The following GRB7 variants were observed in gnomAD, a reference collection of about 807,000 sequenced individuals.
The protein encoded by GRB7 is growth factor receptor-bound protein 7.
In GRB7, 47 loss-of-function variants were observed where a neutral mutation model predicts 64.1. The observed-to-expected ratio is 0.73, with a 90% confidence interval of 0.58 to 0.94. GRB7 has a LOEUF of 0.94. Among genes scored for constraint, GRB7 ranks in the 40% least tolerant of loss-of-function variants. GRB7 has a pLI of 0.00. For synonymous variants in GRB7, 277 were observed against 279.9 expected (o/e 0.99, Z 0.10); for missense variants, 634 against 718.4 (o/e 0.88, Z 1.34).
intron 7 of GRB7, 65 bp downstream of exon 7, chr17:39,744,272 C>A: frequency 6.3e-7 from 1 of 1,586,766 alleles, no homozygotes; most frequent in South Asian, 1.1e-5. Context: ...GTTGCCCCTT[C>A]TCTGCTGGAA....
chr17:39,742,824 G>C (rs781034782), intron 3 of GRB7, 74 bp from the exon 4 acceptor site: 2 of 1,533,966 alleles, frequency 1.3e-6, no homozygotes, highest in Admixed American at 2.0e-5. Context: ...AGTCCCTGAG[G>C]GTCTAGCAGG....
rs1178174990 is a variant in GRB7, at chr17:39,744,975, C to T, written c.1002C>T (p.Arg334=). 6.2e-7 allele frequency: 1 copy of T among 1,613,264 alleles called. No individual in the cohort carries two copies. Among genetic ancestry groups the T allele is most frequent in the Admixed American group, 1.7e-5 (1 of 60,012 alleles). ...GCACCTGCTGGCTGGCTGCCTTCCG[C>T]CTCTTCAAGGTGAGACCCTGGGAGT... The part of the protein sequence containing the change: ...QSRTCWLAAF[R]LFKYGVQLYK... The change falls in exon 9 of 15, where the codon CGC becomes CGT. Residue 334 remains arginine (R), a synonymous_variant. Transcript: ENST00000309156.
chr17:39,744,558 G>C lies in GRB7; in HGVS notation c.807G>C (p.Pro269=), dbSNP rs149171777. Residue 269 remains proline, a synonymous_variant, in exon 8 of 15, where the codon CCG becomes CCC. Transcript: ENST00000309156. ...TGCTCACTCATGCTGCTTAGGATCCGAGGCACCTGCAGTACGTGGCAGATG... is the reference window on the plus strand; with the variant it reads ...TGCTCACTCATGCTGCTTAGGATCCCAGGCACCTGCAGTACGTGGCAGATG... ...YYSTKGTSKD[P]RHLQYVADVN... The C allele has an allele frequency of 6.2e-7, 1 of 1,607,602 alleles. No individual in the cohort carries two copies. Among genetic ancestry groups the C allele is most frequent in the Non-Finnish European group, 8.5e-7 (1 of 1,177,108 alleles).
chr17:39,740,630 A>G (rs1337635785), intron 1 of GRB7, among the ~76,000 whole-genome samples: 2 of 372 alleles, frequency 5.4e-3, no homozygotes, highest in Non-Finnish European at 5.0e-3. Flanking sequence ...AGGTGATGTC[A>G]GGAGCCTCAG....
In GRB7 at chr17:39,744,073, T is replaced by C. The variant is rs1198484445; in HGVS notation, c.667T>C (p.Phe223Leu). Residue 223 changes from phenylalanine to leucine, a missense_variant, in exon 7 of 15, where the codon TTC becomes CTC. Phe to Leu is a conservative substitution (Grantham distance 22). This residue lies in a region of GRB7 where 467 missense variants were observed against 576.6 expected (regional missense o/e 0.81). Transcript: ENST00000309156. ...GISHEDLIQNFLNAGSFPEIQ... is the reference protein window; with the variant it reads ...GISHEDLIQNLLNAGSFPEIQ... ...CCTCTGCTCTCCTCTGGCTCAGAAC[T>C]TCCTGAATGCTGGCAGCTTTCCTGA... 3 of 1,614,174 alleles carry C rather than the reference T, an allele frequency of 1.9e-6. No individual in the cohort carries two copies. The highest frequency in any genetic ancestry group is 1.7e-6 in the Non-Finnish European group (2 of 1,180,014).
chr17:39,741,417 C>T (rs547158062), intron 1 of GRB7, among the ~76,000 whole-genome samples: 2 of 152,328 alleles, frequency 1.3e-5, no homozygotes, highest in African/African-American at 4.8e-5. Flanking sequence ...GCGGAGCCCG[C>T]TCTCCTGCCT....
chr17:39,739,857 G>T (rs1026919838), intron 1 of GRB7: 13 of 290,478 alleles, frequency 4.5e-5, no homozygotes, highest in African/African-American at 3.0e-4. Context: ...TCTCTAAGCT[G>T]CCAGGCCCAC....
At chr17:39,740,077 T>C (rs945715886) in intron 1 of GRB7, 1 of 985,484 alleles carries the variant, frequency 1.0e-6, no homozygotes, top group Non-Finnish European at 1.2e-6. Context: ...AATTCTCTGC[T>C]CCTCTCCCCA....
intron 13 of GRB7, 34 bp downstream of exon 13, chr17:39,746,034 T>A (rs2060042986): frequency 6.2e-7 from 1 of 1,611,602 alleles, no homozygotes; most frequent in African/African-American, 1.3e-5. Context: ...GACCCAGGGA[T>A]AAGAGAGACT....
intron 14 of GRB7, among the ~76,000 whole-genome samples, 163 bp from the exon 15 acceptor site, chr17:39,746,588 C>A (rs1463774597): frequency 6.6e-6 from 1 of 151,368 alleles, no homozygotes; most frequent in East Asian, 1.9e-4. Flanking sequence ...CACACTCCAG[C>A]CTGGATGACA....
chr17:39,742,484 G>C (rs1245936914), intron 2 of GRB7, 28 bp downstream of exon 2: 1 of 1,612,682 alleles, frequency 6.2e-7, no homozygotes, highest in African/African-American at 1.3e-5. Flanking sequence ...GCTTGGGGGA[G>C]GTCAGTGCTG....
rs774480891 is a variant in GRB7, at chr17:39,743,054, G to T, written c.463G>T (p.Glu155Ter). 6.2e-7 allele frequency: 1 copy of T among 1,602,166 alleles called. No homozygotes were observed. Among genetic ancestry groups the T allele is most frequent in the Admixed American group, 1.7e-5 (1 of 59,406 alleles). The change falls in exon 4 of 15, where the codon GAG becomes TAG. Residue 155 changes from glutamate to a stop codon, truncating the protein, a stop_gained and splice_region_variant. Coordinates refer to ENST00000309156, the MANE Select transcript of GRB7 (RefSeq NM_005310.5). LOFTEE classifies it high-confidence loss of function. ...GGAGTGCCACCCCCACCTAGCACTG[G>T]GTAAGTCAGGTGCATGGAACTATCC... Reference protein sequence around the residue: ...LVECHPHLALERGLEDHESVV... With the variant: ...LVECHPHLAL
At chr17:39,738,177 AC>A (rs2059967286) in intron 1 of GRB7, 44 bp downstream of exon 1, 1 of 152,080 alleles carries the variant, frequency 6.6e-6, no homozygotes, top group Non-Finnish European at 1.5e-5. Flanking sequence ...CTGCCAGGCA[AC>A]CCCCAGCCGC....
At chr17:39,744,717 GC>G in intron 8 of GRB7, 54 bp downstream of exon 8, 1 of 1,483,054 alleles carries the variant, frequency 6.7e-7, no homozygotes, top group Non-Finnish European at 9.3e-7. Context: ...AACTGCTCAG[GC>G]CCCTGGATCC....
At chr17:39,739,883 C>A in intron 1 of GRB7, 1 of 483,438 alleles carries the variant, frequency 2.1e-6, no homozygotes, top group Non-Finnish European at 2.7e-6. Flanking sequence ...GGACCCCTTC[C>A]TCCTCCCTGC....
In GRB7 at chr17:39,747,234, GTTGAT is replaced by G. The variant is rs2060056751; in HGVS notation, c.*338_*342del. On this transcript the variant is annotated 3_prime_UTR_variant, in exon 15 of 15. Transcript: ENST00000309156. ...ACACTTTGTACAGACCGAGAGGCCA[GTTGAT>G]CTGCTCTGTTTTATACTAGTGACAA... The G allele has an allele frequency of 6.0e-6, 2 of 334,122 alleles. No individual in the cohort carries two copies. The highest frequency in any genetic ancestry group is 1.0e-4 in the East Asian group (2 of 19,170). The allele number at this position is 334,122 out of a possible 1,614,324, so 20.7% of individuals were successfully genotyped here. A position where few individuals can be genotyped will look rare whatever the true frequency, so the allele number is the denominator to read the frequency against.
chr17:39,741,497 C>G (rs2059993777), intron 1 of GRB7, among the ~76,000 whole-genome samples: 1 of 152,242 alleles, frequency 6.6e-6, no homozygotes, highest in African/African-American at 2.4e-5. Context: ...GGCCAAACCT[C>G]GCCAAGTATG....
At chr17:39,740,088 C>A (rs752878599) in intron 1 of GRB7, 1 of 985,484 alleles carries the variant, frequency 1.0e-6, no homozygotes, top group Non-Finnish European at 1.2e-6. Context: ...CCTCTCCCCA[C>A]CCCACTGTTG....
At chr17:39,746,672 G>A in intron 14 of GRB7, 79 bp from the exon 15 acceptor site, 1 of 1,449,002 alleles carries the variant, frequency 6.9e-7, no homozygotes, top group Non-Finnish European at 9.4e-7. Flanking sequence ...AAAAGGAAAT[G>A]GTGGGGCCCT....
Sources: allele counts gnomAD v4.1 joint callset (sites outside exome capture counted in the v4.1 genomes callset), GRCh38; gene constraint gnomAD v4.1.1; regional missense constraint gnomAD v4.1.1; transcripts MANE v1.5; gene names NCBI Gene and HGNC (gene_info 2026-07-23, HGNC 2026-07-21).